Variants in PPP1R14C observed in about 807,000 individuals in gnomAD.
PPP1R14C encodes protein phosphatase 1 regulatory subunit 14C.
In PPP1R14C, 16 loss-of-function variants were observed where a neutral mutation model predicts 20.4. The observed-to-expected ratio is 0.78, with a 90% confidence interval of 0.53 to 1.19. The LOEUF is 1.19. Ranked by LOEUF, PPP1R14C falls within the 50% of genes most tolerant of loss-of-function variation. PPP1R14C has a pLI of 0.00. For synonymous variants in PPP1R14C, 91 were observed against 91.0 expected, an observed-to-expected ratio of 1.00 and a Z score of 0.00; for missense variants, 211 against 220.1, an observed-to-expected ratio of 0.96 and a Z score of 0.26.
At chr6:150,164,867 T>C (rs961667327) in intron 1 of PPP1R14C, among the ~76,000 whole-genome samples, 2 of 152,204 alleles carry the variant, frequency 1.3e-5, no homozygotes, top group Non-Finnish European at 2.9e-5. Flanking sequence ...CGGAGGTGAT[T>C]ATGTCCTGAG....
chr6:150,223,878 CT>C (rs1472253475), intron 3 of PPP1R14C, among the ~76,000 whole-genome samples: 2 of 152,164 alleles, frequency 1.3e-5, no homozygotes, highest in African/African-American at 4.8e-5. Context: ...TCAATGTTTT[CT>C]TTCACGGATC....
intron 1 of PPP1R14C, among the ~76,000 whole-genome samples, chr6:150,187,274 TG>T (rs1777688797): frequency 6.6e-6 from 1 of 151,774 alleles, no homozygotes; most frequent in Non-Finnish European, 1.5e-5. Flanking sequence ...TGTGTGTGTG[TG>T]TGTGTGTGTG....
At chr6:150,181,112 C>G (rs531448376) in intron 1 of PPP1R14C, among the ~76,000 whole-genome samples, 2 of 152,112 alleles carry the variant, frequency 1.3e-5, no homozygotes, top group Admixed American at 6.5e-5. Context: ...GGTATTTATC[C>G]CCGCTTTAGT....
chr6:150,210,458 C>G (rs1437161529), intron 1 of PPP1R14C, among the ~76,000 whole-genome samples: 2 of 152,170 alleles, frequency 1.3e-5, no homozygotes, highest in Non-Finnish European at 2.9e-5. Context: ...TGCTTCGCAC[C>G]TGATACATGA....
At chr6:150,146,872 C>T (rs1462371298) in intron 1 of PPP1R14C, among the ~76,000 whole-genome samples, 1 of 152,104 alleles carries the variant, frequency 6.6e-6, no homozygotes, top group Non-Finnish European at 1.5e-5. Context: ...GAGTGGGGCC[C>T]GGAGATGTGG....
At position 150,143,261 on chromosome 6, in the gene PPP1R14C, C is replaced by T. The variant is rs1249352781; in HGVS notation, c.69C>T (p.Phe23=). 34 of 1,464,464 alleles carry T rather than the reference C, an allele frequency of 2.3e-5. No individual in the cohort carries two copies. The highest frequency in any genetic ancestry group is 1.4e-4 in the East Asian group (5 of 34,804). The allele number at this position is 1,464,464 out of a possible 1,614,324, so 90.7% of individuals were successfully genotyped here. ...GCGGCGGCGGCGCACGGGTTTTCTT[C>T]CAAAGCCCCCGGGGTGGCGCCGGTG... The part of the protein sequence containing the change: ...GASGGGARVF[F]QSPRGGAGGS... Residue 23 remains phenylalanine (F), a synonymous_variant, in exon 1 of 4, where the codon TTC becomes TTT. Transcript: ENST00000361131. This position sits in a 1 kb window ranked among gnomAD's most constrained non-coding sequence, Gnocchi z 5.6.
intron 1 of PPP1R14C, among the ~76,000 whole-genome samples, chr6:150,168,465 G>A (rs1029781874): frequency 6.6e-6 from 1 of 152,050 alleles, no homozygotes. Flanking sequence ...CCCGGGAGGC[G>A]GAGCTTGCAG....
intron 1 of PPP1R14C, among the ~76,000 whole-genome samples, chr6:150,197,410 A>AG (rs1159306603): frequency 6.6e-6 from 1 of 152,218 alleles, no homozygotes; most frequent in Non-Finnish European, 1.5e-5. Flanking sequence ...CTGGCTCCAG[A>AG]GGGCACCTGT....
chr6:150,174,015 T>TCCCCCCCCC (rs571196400), intron 1 of PPP1R14C, among the ~76,000 whole-genome samples: 10 of 92,724 alleles, frequency 1.1e-4, no homozygotes, highest in South Asian at 3.3e-4. Flanking sequence ...CACCTCTCCC[T>TCCCCCCCCC]CCCCCCCACC....
At chr6:150,246,300 G>C (rs1183779109) in intron 3 of PPP1R14C, among the ~76,000 whole-genome samples, 3 of 151,220 alleles carry the variant, frequency 2.0e-5, no homozygotes, top group Non-Finnish European at 4.4e-5. Context: ...TTTGACCTTT[G>C]CTTTAAAAAA....
At chr6:150,225,308 A>G (rs1051175886) in intron 3 of PPP1R14C, among the ~76,000 whole-genome samples, 2 of 152,210 alleles carry the variant, frequency 1.3e-5, no homozygotes, top group African/African-American at 4.8e-5. Context: ...AGACTCGTAC[A>G]AAGGTATGCT....
chr6:150,154,806 C>G (rs1165993196), intron 1 of PPP1R14C, among the ~76,000 whole-genome samples: 1 of 152,110 alleles, frequency 6.6e-6, no homozygotes, highest in Non-Finnish European at 1.5e-5. Context: ...TTTAAATCAT[C>G]TTTTCCTCCT....
At chr6:150,199,869 T>TC (rs1554219688) in intron 1 of PPP1R14C, among the ~76,000 whole-genome samples, 1 of 146,108 alleles carries the variant, frequency 6.8e-6, no homozygotes, top group Admixed American at 6.8e-5. Context: ...AGCCTGTCTC[T>TC]AAAAAAAAAA....
At chr6:150,195,894 T>TGTCAG in intron 1 of PPP1R14C, 1 of 985,410 alleles carries the variant, frequency 1.0e-6, no homozygotes, top group Non-Finnish European at 1.2e-6. Context: ...TCTAAGGCAG[T>TGTCAG]GTCAGGTCAT....
intron 1 of PPP1R14C, among the ~76,000 whole-genome samples, chr6:150,179,183 G>T (rs963620244): frequency 1.3e-5 from 2 of 152,012 alleles, no homozygotes; most frequent in African/African-American, 4.8e-5. Flanking sequence ...AGCTAGGGGC[G>T]CTGCTTGAGC....
intron 3 of PPP1R14C, among the ~76,000 whole-genome samples, chr6:150,238,656 T>C (rs891244526): frequency 2.0e-5 from 3 of 152,368 alleles, no homozygotes; most frequent in Admixed American, 2.0e-4. Context: ...CCAGCTGGCC[T>C]GGGAGCTCCT....
chr6:150,191,176 G>A (rs763564514), intron 1 of PPP1R14C, among the ~76,000 whole-genome samples: 26 of 152,180 alleles, frequency 1.7e-4, no homozygotes, highest in South Asian at 6.2e-4. Context: ...CTTATCATAC[G>A]TCAGGCTCCC....
intron 1 of PPP1R14C, among the ~76,000 whole-genome samples, chr6:150,175,428 G>A (rs1777550698): frequency 6.6e-6 from 1 of 152,164 alleles, no homozygotes; most frequent in Non-Finnish European, 1.5e-5. Context: ...TAAGGATGCA[G>A]AGCTCTGATA....
chr6:150,197,967 C>T (rs112160856), intron 1 of PPP1R14C, among the ~76,000 whole-genome samples: 3 of 75,988 alleles, frequency 3.9e-5, no homozygotes, highest in African/African-American at 1.3e-4. Context: ...CTGCCCGTCA[C>T]GGTGGAGGAG....
Sources: gnomAD v4.1 joint callset for allele counts (sites outside exome capture counted in the v4.1 genomes callset) on GRCh38, gnomAD v4.1.1 for gene constraint, Gnocchi (gnomAD v3.1) non-coding constraint, MANE v1.5 for transcripts, NCBI Gene and HGNC (gene_info 2026-07-23, HGNC 2026-07-21) for gene names.